SUGCT: variants seen among roughly 807,000 people sequenced by gnomAD.
The protein encoded by SUGCT is succinyl-CoA:glutarate-CoA transferase, also known as succinyl-CoA:glutarate CoA-transferase.
Under a neutral mutation model 55.0 loss-of-function variants are expected in SUGCT, and 41 were observed. The ratio of observed to expected loss-of-function variants is 0.74; its 90% CI spans 0.58 to 0.97. SUGCT has a LOEUF of 0.97. SUGCT is among the 50% of genes least tolerant of loss of function. The pLI, the probability that SUGCT is intolerant of heterozygous loss-of-function variation, is 0.00. For synonymous variants in SUGCT, 187 were observed against 200.4 expected, an observed-to-expected ratio of 0.93 and a Z score of 0.56; for missense variants, 568 against 547.8, an observed-to-expected ratio of 1.04 and a Z score of -0.37.
chr7:40,540,795 A>G (rs887343647), intron 12 of SUGCT, among the ~76,000 whole-genome samples: 1 of 152,240 alleles, frequency 6.6e-6, no homozygotes, highest in African/African-American at 2.4e-5. Flanking sequence ...GAACTTTAGA[A>G]TTCTGTGCAT....
At chr7:40,491,597 T>C (rs1166579008) in intron 11 of SUGCT, among the ~76,000 whole-genome samples, 8 of 152,042 alleles carry the variant, frequency 5.3e-5, no homozygotes, top group Admixed American at 5.2e-4. Flanking sequence ...TTGGATGTCA[T>C]CTGCATAGAG....
chr7:40,479,656 G>C (rs1193684307), intron 11 of SUGCT, among the ~76,000 whole-genome samples: 1 of 152,114 alleles, frequency 6.6e-6, no homozygotes, highest in Non-Finnish European at 1.5e-5. Context: ...AGTGAGAAGA[G>C]TTCCCTTTTC....
At chr7:40,593,737 G>A (rs1334665012) in intron 12 of SUGCT, among the ~76,000 whole-genome samples, 2 of 152,244 alleles carry the variant, frequency 1.3e-5, no homozygotes, top group African/African-American at 4.8e-5. Flanking sequence ...TACTTGGGAG[G>A]CTGAGGCAGG....
At chr7:40,153,822 T>C (rs1414018936) in intron 1 of SUGCT, 1 of 385,004 alleles carries the variant, frequency 2.6e-6, no homozygotes, top group Non-Finnish European at 5.3e-6. Flanking sequence ...ATAAATGCAA[T>C]ATGCCATTAA....
At chr7:40,246,426 T>A (rs553566071) in intron 7 of SUGCT, among the ~76,000 whole-genome samples, 1 of 151,790 alleles carries the variant, frequency 6.6e-6, no homozygotes, top group South Asian at 2.1e-4. Flanking sequence ...ATTTTTGTAT[T>A]TTTGGTAGAG....
chr7:40,300,325 T>A (rs1794456369), intron 8 of SUGCT, among the ~76,000 whole-genome samples: 1 of 152,136 alleles, frequency 6.6e-6, no homozygotes, highest in African/African-American at 2.4e-5. Flanking sequence ...TCAGGCCTGT[T>A]GAATCAGGGT....
At chr7:40,676,289 C>T (rs1468702094) in intron 12 of SUGCT, among the ~76,000 whole-genome samples, 1 of 152,092 alleles carries the variant, frequency 6.6e-6, no homozygotes, top group African/African-American at 2.4e-5. Context: ...AATATGGCTA[C>T]TATTACTTTT....
intron 8 of SUGCT, among the ~76,000 whole-genome samples, chr7:40,300,429 G>A (rs2151076406): frequency 6.6e-6 from 1 of 152,308 alleles, no homozygotes; most frequent in Admixed American, 6.5e-5. Context: ...TGTGGTTAAA[G>A]GGTGAATGGA....
intron 10 of SUGCT, among the ~76,000 whole-genome samples, chr7:40,458,321 A>G (rs145548893): frequency 0.01 from 1,555 of 152,330 alleles, 29 homozygotes; most frequent in African/African-American, 0.035. Context: ...AAACTTTTCC[A>G]TTCCAAATCC....
At chr7:40,359,148 T>C (rs917009138) in intron 9 of SUGCT, among the ~76,000 whole-genome samples, 3 of 152,150 alleles carry the variant, frequency 2.0e-5, no homozygotes, top group African/African-American at 7.2e-5. Flanking sequence ...TGTTCTGTCA[T>C]GTATGTATGT....
chr7:40,781,721 G>GA (rs763573174), intron 13 of SUGCT, among the ~76,000 whole-genome samples: 5 of 152,092 alleles, frequency 3.3e-5, no homozygotes, highest in Admixed American at 6.6e-5. Flanking sequence ...AAACTTACAG[G>GA]AAAAAATTGG....
At chr7:40,137,644 T>G (rs575879338) in intron 1 of SUGCT, among the ~76,000 whole-genome samples, 1 of 152,300 alleles carries the variant, frequency 6.6e-6, no homozygotes, top group South Asian at 2.1e-4. Context: ...TGAGTTGTGT[T>G]TTTCTGTCGT....
chr7:40,954,328 C>G, the SUGCT span, among the ~76,000 whole-genome samples: 1 of 152,160 alleles, frequency 6.6e-6, no homozygotes, highest in Non-Finnish European at 1.5e-5. Context: ...GGGAGTGACC[C>G]AATTTTCCAG....
intron 12 of SUGCT, among the ~76,000 whole-genome samples, chr7:40,634,823 A>G (rs562328811): frequency 4.6e-5 from 7 of 152,390 alleles, no homozygotes; most frequent in African/African-American, 1.7e-4. Context: ...AGTAGTAAAA[A>G]GAGATTGTCA....
the SUGCT span, among the ~76,000 whole-genome samples, chr7:41,030,243 CT>C: frequency 5.7e-3 from 845 of 147,214 alleles, 10 homozygotes; most frequent in African/African-American, 0.018. Context: ...TTTCCAGAGG[CT>C]TTTTTTTTTC....
At chr7:40,572,407 C>T (rs1339971080) in intron 12 of SUGCT, among the ~76,000 whole-genome samples, 3 of 151,976 alleles carry the variant, frequency 2.0e-5, no homozygotes, top group Non-Finnish European at 1.5e-5. Flanking sequence ...TCAGGTGGCT[C>T]GTGTTCCATT....
Position 40,336,712 on chromosome 7 carries a change from T to C in SUGCT, c.816+19857T>C, listed in dbSNP as rs536545972. Among the ~76,000 whole-genome samples, 74 of 152,322 alleles carry C rather than the reference T, an allele frequency of 4.9e-4. No individual in the cohort carries two copies. The East Asian group carries it at 8.1e-3, about 17-fold the overall frequency. On this transcript the variant is annotated intron_variant, in intron 9 of 13. Coordinates refer to ENST00000335693, the MANE Select transcript of SUGCT (RefSeq NM_001193313.2). ...TTCAAAAAACCAGCTCCTGGATTCA[T>C]TGATTTTTTGAAGGGTTTTTTGTGT...
intron 1 of SUGCT, among the ~76,000 whole-genome samples, chr7:40,179,376 A>G (rs1785072790): frequency 6.6e-6 from 1 of 151,568 alleles, no homozygotes; most frequent in African/African-American, 2.4e-5. Context: ...TTACTGCAAC[A>G]TCTGCCTCCT....
chr7:40,925,465 A>G, the SUGCT span, among the ~76,000 whole-genome samples: 1 of 152,220 alleles, frequency 6.6e-6, no homozygotes, highest in Admixed American at 6.5e-5. Context: ...AGAGATAACT[A>G]TTGTGACAAA....
Sources: gnomAD v4.1 joint callset for allele counts (sites outside exome capture counted in the v4.1 genomes callset) on GRCh38, gnomAD v4.1.1 for gene constraint, MANE v1.5 for transcripts, NCBI Gene and HGNC (gene_info 2026-07-23, HGNC 2026-07-21) for gene names.